The following UTP18 variants were observed in gnomAD, a reference collection of about 807,000 sequenced individuals.
UTP18 encodes the protein UTP18 small subunit processome component, also known as U3 small nucleolar RNA-associated protein 18 homolog.
A neutral mutation model predicts 61.1 loss-of-function variants in UTP18; 36 were observed. The observed-to-expected ratio is 0.59, with a 90% CI of 0.45 to 0.78. UTP18 has a LOEUF of 0.78. Ranked by LOEUF, UTP18 falls within the 30% of genes least tolerant of loss-of-function variation. The probability of loss-of-function intolerance (pLI) is 0.00; values close to 1 mark genes in which losing one functional copy is unlikely to be tolerated. For missense variants in UTP18, 753 were observed against 693.9 expected (o/e 1.09, Z -0.96); for synonymous variants, 282 against 251.1 (o/e 1.12, Z -1.16).
At chr17:51,296,080 C>T (rs927463791) in intron 12 of UTP18, among the ~76,000 whole-genome samples, 1 of 152,166 alleles carries the variant, frequency 6.6e-6, no homozygotes, top group African/African-American at 2.4e-5. Flanking sequence ...AACTTATATG[C>T]GCTGTCCAGG....
Position 51,266,431 on chromosome 17 carries a change from G to A in UTP18, c.554+151G>A. 6.2e-6 allele frequency: 3 copies of A among 484,960 alleles called. No individual in the cohort carries two copies. In the South Asian group the frequency reaches 1.5e-4, roughly 25 times the overall value. 30.0% of individuals were successfully genotyped at this position (484,960 alleles called of 1,614,324 possible). A position where few individuals can be genotyped will look rare whatever the true frequency, so the allele number is the denominator to read the frequency against. On this transcript the variant is annotated intron_variant, in intron 3 of 13. Coordinates refer to ENST00000225298, the MANE Select transcript of UTP18 (RefSeq NM_016001.3). Reference sequence around the variant, plus strand: ...GACTAAATTTCTGTAGTTTTTTTTAGGGGAGAGGGGACAAAACACAGACAC... The same window carrying A: ...GACTAAATTTCTGTAGTTTTTTTTAAGGGAGAGGGGACAAAACACAGACAC...
rs970918314 is a variant in UTP18, at chr17:51,260,568, T to G, written c.-17T>G. 1.2e-6 allele frequency: 2 copies of G among 1,603,514 alleles called. No homozygotes were observed. The highest frequency in any genetic ancestry group is 1.7e-6 in the Non-Finnish European group (2 of 1,176,602). On this transcript the variant is annotated 5_prime_UTR_variant, in exon 1 of 14. Coordinates refer to ENST00000225298, the MANE Select transcript of UTP18 (RefSeq NM_016001.3). ...GAGGTTCCACGTGAGCGCCTGCGTT[T>G]CTCCTCAAACCTAACGATGCCGCCG...
At chr17:51,273,616 T>G (rs1373463543) in intron 5 of UTP18, among the ~76,000 whole-genome samples, 166 bp downstream of exon 5, 3 of 151,602 alleles carry the variant, frequency 2.0e-5, no homozygotes, top group Admixed American at 1.3e-4. Context: ...TTTTTCCTTT[T>G]GCAAAAAATG....
intron 5 of UTP18, among the ~76,000 whole-genome samples, chr17:51,275,004 C>T (rs1028518702): frequency 6.6e-6 from 1 of 151,460 alleles, no homozygotes; most frequent in African/African-American, 2.4e-5. Flanking sequence ...TTGAGACCAG[C>T]GTGACCAACA....
At position 51,260,806 on chromosome 17, in the gene UTP18, G is replaced by T; in HGVS notation, c.222G>T (p.Gln74His). Residue 74 changes from glutamine to histidine, a missense_variant, in exon 1 of 14, where the codon CAG becomes CAT. Coordinates refer to ENST00000225298, the MANE Select transcript of UTP18 (RefSeq NM_016001.3). ...CGGAGGAAGAGAGACGGCTCCGGCA[G>T]CGGAACCGCCTGAGGCTGGAGGAGG... ...AAAEEERRLR[Q>H]RNRLRLEEDK... is the part of the protein sequence containing the mutation. 6.3e-7 allele frequency: 1 copy of T among 1,585,894 alleles called. No individual in the cohort carries two copies.
At chr17:51,273,288 A>C in intron 4 of UTP18, 74 bp from the exon 5 acceptor site, 1 of 1,097,452 alleles carries the variant, frequency 9.1e-7, no homozygotes, top group Non-Finnish European at 1.3e-6. Flanking sequence ...AAATATATTC[A>C]TAGAAGTTTG....
At chr17:51,288,658 G>T (rs1419048568) in intron 11 of UTP18, 1 of 454,802 alleles carries the variant, frequency 2.2e-6, no homozygotes, top group Non-Finnish European at 4.4e-6. Flanking sequence ...TAGTACCTTT[G>T]AATATACCCT....
intron 5 of UTP18, among the ~76,000 whole-genome samples, chr17:51,274,024 C>G (rs1054390369): frequency 2.6e-5 from 4 of 152,248 alleles, no homozygotes; most frequent in Admixed American, 6.5e-5. Context: ...GTATTCTACA[C>G]TGCCCTTTAC....
intron 12 of UTP18, among the ~76,000 whole-genome samples, chr17:51,295,017 G>A (rs1905329844): frequency 6.6e-6 from 1 of 151,854 alleles, no homozygotes; most frequent in African/African-American, 2.4e-5. Context: ...AGAAGTGTCT[G>A]TTCATATCCT....
intron 10 of UTP18, among the ~76,000 whole-genome samples, chr17:51,287,426 G>A (rs1905145996): frequency 6.6e-6 from 1 of 152,148 alleles, no homozygotes; most frequent in Non-Finnish European, 1.5e-5. Flanking sequence ...GAATGGCAGT[G>A]GGGGAATAAG....
At position 51,273,411 on chromosome 17, in the gene UTP18, C is replaced by T; in HGVS notation, c.672C>T (p.Phe224=). 6.2e-7 allele frequency: 1 copy of T among 1,611,244 alleles called. No individual in the cohort carries two copies. Among genetic ancestry groups the T allele is most frequent in the Non-Finnish European group, 8.5e-7 (1 of 1,178,756 alleles). ...ATTTGTTGCAAAGGACTGGGAATTT[C>T]ATATCCACATCAACTTCTCTTCCAA... ...EDDLLQRTGN[F]ISTSTSLPRG... is the part of the protein sequence containing the mutation. The change falls in exon 5 of 14, where the codon TTC becomes TTT. Residue 224 remains phenylalanine, a synonymous_variant. Coordinates refer to ENST00000225298, the MANE Select transcript of UTP18 (RefSeq NM_016001.3).
intron 10 of UTP18, 91 bp downstream of exon 10, chr17:51,285,459 TTC>T (rs1425383260): frequency 2.7e-6 from 4 of 1,465,394 alleles, no homozygotes; most frequent in Non-Finnish European, 3.7e-6. Context: ...GCATGAGTAG[TTC>T]TCTTTATAAA....
At chr17:51,262,564 T>C (rs1265072100) in intron 1 of UTP18, among the ~76,000 whole-genome samples, 1 of 152,166 alleles carries the variant, frequency 6.6e-6, no homozygotes, top group Non-Finnish European at 1.5e-5. Context: ...CTGGTTGCTC[T>C]TCTTGTTGGT....
chr17:51,279,512 G>T (rs4794219), intron 7 of UTP18, among the ~76,000 whole-genome samples: 96,179 of 150,982 alleles, frequency 0.64, 31,260 homozygotes, highest in African/African-American at 0.78. Context: ...TTTTGTTTTT[G>T]TTTTTGACTC....
intron 5 of UTP18, among the ~76,000 whole-genome samples, chr17:51,274,335 C>T (rs1330461598): frequency 1.3e-5 from 2 of 152,188 alleles, no homozygotes; most frequent in African/African-American, 4.8e-5. Context: ...AACCAGCTGC[C>T]TATGTAGCAC....
At chr17:51,295,173 T>A (rs1250993019) in intron 12 of UTP18, among the ~76,000 whole-genome samples, 2 of 152,226 alleles carry the variant, frequency 1.3e-5, no homozygotes, top group Non-Finnish European at 2.9e-5. Flanking sequence ...GATGGTAGTT[T>A]CTTTTGCTGT....
At chr17:51,275,808 A>G (rs1213859241) in intron 5 of UTP18, 58 bp from the exon 6 acceptor site, 5 of 1,466,242 alleles carry the variant, frequency 3.4e-6, no homozygotes, top group African/African-American at 2.9e-5. Flanking sequence ...TTCTTACTCT[A>G]AAGAAAATAA....
chr17:51,297,760 A>G, intron 13 of UTP18, 22 bp from the exon 14 acceptor site: 1 of 436,488 alleles, frequency 2.3e-6, no homozygotes, highest in Non-Finnish European at 4.5e-6. Context: ...CAGGTATGTA[A>G]TTTCTTTTGT....
intron 12 of UTP18, 139 bp from the exon 13 acceptor site, chr17:51,296,825 GA>G: frequency 1.3e-6 from 1 of 743,834 alleles, no homozygotes; most frequent in Non-Finnish European, 2.1e-6. Flanking sequence ...TGAGGAGTCT[GA>G]ACCTAACTGC....
Sources: gnomAD v4.1 joint callset for allele counts (sites outside exome capture counted in the v4.1 genomes callset) on GRCh38, gnomAD v4.1.1 for gene constraint, MANE v1.5 for transcripts, NCBI Gene and HGNC (gene_info 2026-07-23, HGNC 2026-07-21) for gene names.